The following VOPP1 variants were observed in gnomAD, a reference collection of about 807,000 sequenced individuals.
VOPP1 encodes VOPP1 WW domain binding protein.
Under a neutral mutation model 23.5 loss-of-function variants are expected in VOPP1, and 8 were observed. The ratio of observed to expected loss-of-function variants is 0.34; its 90% CI spans 0.20 to 0.61. The LOEUF (loss-of-function observed/expected upper bound fraction) is 0.61. VOPP1 is among the 20% of genes least tolerant of loss of function. The pLI, the probability that VOPP1 is intolerant of heterozygous loss-of-function variation, is 0.78. For synonymous variants in VOPP1, 83 were observed against 97.3 expected, an observed-to-expected ratio of 0.85 and a Z score of 0.86; for missense variants, 174 against 238.1, an observed-to-expected ratio of 0.73 and a Z score of 1.77.
At chr7:55,569,443 G>T (rs1241165188) in intron 1 of VOPP1, among the ~76,000 whole-genome samples, 1 of 152,222 alleles carries the variant, frequency 6.6e-6, no homozygotes, top group African/African-American at 2.4e-5. Flanking sequence ...TGTAGAGCAT[G>T]CAAATTCCTA....
chr7:55,555,134 TTAAAA>T (rs1187019513), intron 1 of VOPP1, among the ~76,000 whole-genome samples: 1 of 152,156 alleles, frequency 6.6e-6, no homozygotes, highest in Non-Finnish European at 1.5e-5. Context: ...GGAACCAGTC[TTAAAA>T]TAAATTTCCA....
At chr7:55,473,350 T>G (rs748665464) in intron 4 of VOPP1, among the ~76,000 whole-genome samples, 13 of 152,238 alleles carry the variant, frequency 8.5e-5, no homozygotes, top group Admixed American at 3.3e-4. Flanking sequence ...TCGGAAGAGC[T>G]GCAAAGACCA....
chr7:55,561,934 G>A, intron 1 of VOPP1: 1 of 703,042 alleles, frequency 1.4e-6, no homozygotes, highest in Non-Finnish European at 2.6e-6. Flanking sequence ...GGCAGTCAAA[G>A]GAATGGGAAA....
chr7:55,558,955 T>C (rs1347171371), intron 1 of VOPP1, among the ~76,000 whole-genome samples: 1 of 152,236 alleles, frequency 6.6e-6, no homozygotes. Context: ...ATAGCCTCAC[T>C]GAAAAGTTTA....
At chr7:55,476,283 G>A (rs1792242459) in intron 4 of VOPP1, among the ~76,000 whole-genome samples, 1 of 152,198 alleles carries the variant, frequency 6.6e-6, no homozygotes, top group Non-Finnish European at 1.5e-5. Context: ...GCAAAGACTG[G>A]GAGGACACGC....
chr7:55,489,757 G>A lies in VOPP1; in HGVS notation c.328+2525C>T, dbSNP rs1793428615. ...GGCTGCAAACCTGGGAGCTCCCACA[G>A]TTCATCCAGCCTGAGGATGAGGGCC... is the stretch of plus-strand genomic sequence containing the variant. On this transcript the variant is annotated intron_variant, in intron 4 of 4. Coordinates refer to ENST00000285279, the MANE Select transcript of VOPP1 (RefSeq NM_030796.5). Among the ~76,000 whole-genome samples the A allele has an allele frequency of 4.6e-5, 7 of 152,150 alleles. No homozygotes were observed. The South Asian group carries it at 1.5e-3, about 32-fold the overall frequency.
intron 1 of VOPP1, among the ~76,000 whole-genome samples, chr7:55,526,284 C>T (rs1322064203): frequency 6.6e-6 from 1 of 152,188 alleles, no homozygotes; most frequent in African/African-American, 2.4e-5. Context: ...TCTGGACGCC[C>T]GTGGTTCAAG....
At chr7:55,557,525 A>G (rs1797850939) in intron 1 of VOPP1, among the ~76,000 whole-genome samples, 1 of 152,150 alleles carries the variant, frequency 6.6e-6, no homozygotes, top group Non-Finnish European at 1.5e-5. Context: ...ATGTCTGTTT[A>G]TATTTCAATC....
intron 1 of VOPP1, among the ~76,000 whole-genome samples, chr7:55,562,843 G>A (rs747756784): frequency 6.6e-6 from 1 of 152,168 alleles, no homozygotes; most frequent in Non-Finnish European, 1.5e-5. Context: ...GAGAGTTTTT[G>A]TCAACGCACG....
chr7:55,517,314 A>G (rs1441846311), intron 2 of VOPP1, among the ~76,000 whole-genome samples: 4 of 151,780 alleles, frequency 2.6e-5, no homozygotes, highest in Non-Finnish European at 5.9e-5. Context: ...CTCTCACATG[A>G]CTATACCACT....
intron 4 of VOPP1, among the ~76,000 whole-genome samples, chr7:55,438,581 C>A (rs570464117): frequency 6.6e-6 from 1 of 152,088 alleles, no homozygotes; most frequent in African/African-American, 2.4e-5. Context: ...GTGGACAGGG[C>A]GCCTCACAGA....
chr7:55,471,967 C>T lies in VOPP1; in HGVS notation c.*888G>A, dbSNP rs1791854974. On this transcript the variant is annotated 3_prime_UTR_variant, in exon 5 of 5. Coordinates refer to ENST00000285279, the MANE Select transcript of VOPP1 (RefSeq NM_030796.5). ...GCCTGAGGGAAGGAGACCCCCGGGC[C>T]TGAGAATGCCCTGGAGAGGCAGTGA... 6.6e-6 allele frequency: 1 copy of T among 152,328 alleles called. No individual in the cohort carries two copies. The highest frequency in any genetic ancestry group is 1.5e-5 in the Non-Finnish European group (1 of 68,198). The allele number at this position is 152,328 out of a possible 1,614,324, so 9.4% of individuals were successfully genotyped here.
chr7:55,492,279 G>C lies in VOPP1; in HGVS notation c.328+3C>G, dbSNP rs752369529. ...AGGAGAGACAAGGACAGGGCTGGCT[G>C]ACCTGGGCCGGGATTTGGGGGCTGC... is the stretch of plus-strand genomic sequence containing the variant. On this transcript the variant is annotated splice_donor_region_variant and intron_variant, in intron 4 of 4. Transcript: ENST00000285279. 1 of 1,608,990 alleles carries C rather than the reference G, an allele frequency of 6.2e-7. No individual in the cohort carries two copies. Among genetic ancestry groups the C allele is most frequent in the African/African-American group, 1.3e-5 (1 of 74,940 alleles).
intron 1 of VOPP1, among the ~76,000 whole-genome samples, chr7:55,545,297 G>C (rs1379667121): frequency 6.6e-6 from 1 of 152,194 alleles, no homozygotes; most frequent in Admixed American, 6.5e-5. Context: ...GACCACGCTA[G>C]GAGAAGAAAA....
chr7:55,454,585 A>G (rs534051889), intron 4 of VOPP1, among the ~76,000 whole-genome samples: 1 of 152,362 alleles, frequency 6.6e-6, no homozygotes, highest in Admixed American at 6.5e-5. Flanking sequence ...GCAGCACATC[A>G]AAAAGCTTAT....
chr7:55,482,671 A>T (rs892467254), intron 4 of VOPP1, among the ~76,000 whole-genome samples: 4 of 151,910 alleles, frequency 2.6e-5, no homozygotes, highest in African/African-American at 9.7e-5. Flanking sequence ...ACATGTGGGT[A>T]TTAGGCACCC....
intron 4 of VOPP1, among the ~76,000 whole-genome samples, chr7:55,449,632 T>G (rs988604755): frequency 2.0e-5 from 3 of 152,176 alleles, no homozygotes; most frequent in Admixed American, 6.5e-5. Context: ...CCCCTCCCTG[T>G]GACTGGCTGG....
At chr7:55,563,971 G>T (rs1213583716) in intron 1 of VOPP1, among the ~76,000 whole-genome samples, 1 of 152,146 alleles carries the variant, frequency 6.6e-6, no homozygotes, top group African/African-American at 2.4e-5. Flanking sequence ...AGGAAAGAAA[G>T]GAGAATTCCT....
At chr7:55,523,247 G>A (rs572546021) in intron 1 of VOPP1, among the ~76,000 whole-genome samples, 9 of 152,240 alleles carry the variant, frequency 5.9e-5, no homozygotes, top group Non-Finnish European at 1.2e-4. Flanking sequence ...AAAAACATAC[G>A]TCCAGTATGC....
Sources: allele counts gnomAD v4.1 joint callset (sites outside exome capture counted in the v4.1 genomes callset), GRCh38; gene constraint gnomAD v4.1.1; transcripts MANE v1.5; gene names NCBI Gene and HGNC (gene_info 2026-07-23, HGNC 2026-07-21).